LGSN: variants seen among roughly 807,000 people sequenced by gnomAD.
LGSN encodes lengsin.
In LGSN, 21 loss-of-function variants were observed where a neutral mutation model predicts 19.5. The observed-to-expected ratio is 1.07, with a 90% CI of 0.76 to 1.55. The LOEUF (loss-of-function observed/expected upper bound fraction) is 1.55. Ranked by LOEUF, LGSN falls within the 40% of genes most tolerant of loss-of-function variation. The pLI, the probability that LGSN is intolerant of heterozygous loss-of-function variation, is 0.00. For synonymous variants in LGSN, 257 were observed against 215.6 expected (o/e 1.19, Z -1.68); for missense variants, 673 against 608.5 (o/e 1.11, Z -1.12).
the LGSN span, among the ~76,000 whole-genome samples, chr6:63,377,853 G>A: frequency 2.7e-5 from 4 of 146,102 alleles, no homozygotes; most frequent in Non-Finnish European, 3.0e-5. Context: ...GGTGGAGGTC[G>A]CAGTGAGCCG....
At chr6:63,501,339 G>A in the LGSN span, among the ~76,000 whole-genome samples, 1 of 147,208 alleles carries the variant, frequency 6.8e-6, no homozygotes, top group Non-Finnish European at 1.5e-5. Context: ...TCTAGCCTGG[G>A]CGACAAGAAC....
At chr6:63,400,634 G>A in the LGSN span, among the ~76,000 whole-genome samples, 2 of 152,190 alleles carry the variant, frequency 1.3e-5, no homozygotes, top group Admixed American at 6.5e-5. Context: ...CATTTCATAT[G>A]AAGAGTCCAT....
At chr6:63,446,813 G>A in the LGSN span, among the ~76,000 whole-genome samples, 8 of 152,334 alleles carry the variant, frequency 5.3e-5, no homozygotes, top group East Asian at 1.5e-3. Flanking sequence ...ACTTTGGGAG[G>A]CTGAGGCAGG....
chr6:63,347,562 A>G, the LGSN span, among the ~76,000 whole-genome samples: 1 of 152,132 alleles, frequency 6.6e-6, no homozygotes, highest in African/African-American at 2.4e-5. Flanking sequence ...TCACTCATTC[A>G]TTCTTTCATT....
At chr6:63,534,533 T>A in the LGSN span, among the ~76,000 whole-genome samples, 3 of 152,174 alleles carry the variant, frequency 2.0e-5, no homozygotes, top group East Asian at 5.8e-4. Context: ...AAAACATTTA[T>A]GCTGGGTGCA....
At chr6:63,550,868 C>T in the LGSN span, among the ~76,000 whole-genome samples, 5 of 151,416 alleles carry the variant, frequency 3.3e-5, no homozygotes, top group Admixed American at 6.6e-5. Context: ...TCAGGTGATC[C>T]GCCTGCCTCG....
the LGSN span, among the ~76,000 whole-genome samples, chr6:63,414,215 A>G: frequency 1.3e-5 from 2 of 152,110 alleles, no homozygotes; most frequent in Admixed American, 6.6e-5. Flanking sequence ...TATGTGGCAC[A>G]GGGCCTGATG....
rs571407715 is a variant in LGSN at position 63,303,050 on chromosome 6, C to T, written c.31-8005G>A. ...AGCTGAGGCAGGAGAATCGCTTGAACCCAGGAGGCAGAGGTTGAAGTGAGC... is the reference window on the plus strand; with the variant it reads ...AGCTGAGGCAGGAGAATCGCTTGAATCCAGGAGGCAGAGGTTGAAGTGAGC... On this transcript the variant is annotated intron_variant, in intron 1 of 3. Coordinates refer to ENST00000370657, the MANE Select transcript of LGSN (RefSeq NM_016571.3). 3.3e-5 allele frequency among the ~76,000 whole-genome samples: 5 copies of T among 152,232 alleles called. No homozygotes were observed. The East Asian group carries it at 7.7e-4, about 24-fold the overall frequency.
chr6:63,491,341 G>A, the LGSN span, among the ~76,000 whole-genome samples: 6 of 152,180 alleles, frequency 3.9e-5, no homozygotes, highest in East Asian at 1.2e-3. Flanking sequence ...ACCACTTCAG[G>A]GCTGGGCACT....
the LGSN span, among the ~76,000 whole-genome samples, chr6:63,460,397 CTAA>C: frequency 1.3e-5 from 2 of 152,070 alleles, no homozygotes; most frequent in Non-Finnish European, 2.9e-5. Flanking sequence ...TTTCATGAGT[CTAA>C]TAACTTTCCT....
the LGSN span, among the ~76,000 whole-genome samples, chr6:63,350,349 G>C: frequency 6.6e-6 from 1 of 152,086 alleles, no homozygotes; most frequent in African/African-American, 2.4e-5. Flanking sequence ...ATATACAAAG[G>C]ACTTCACAAA....
chr6:63,480,986 T>TATATACACATATAC, the LGSN span, among the ~76,000 whole-genome samples: 10 of 44,076 alleles, frequency 2.3e-4, no homozygotes, highest in African/African-American at 4.1e-4. Context: ...TATATATATA[T>TATATACACATATAC]ACACACACAC....
At chr6:63,505,733 C>T in the LGSN span, among the ~76,000 whole-genome samples, 1 of 152,102 alleles carries the variant, frequency 6.6e-6, no homozygotes, top group African/African-American at 2.4e-5. Context: ...AGTCTCGGCT[C>T]ACTGCAACCT....
chr6:63,322,461 G>A (rs752513216), upstream of LGSN, among the ~76,000 whole-genome samples: 7 of 152,088 alleles, frequency 4.6e-5, no homozygotes, highest in African/African-American at 1.2e-4. Flanking sequence ...TAACAACCAC[G>A]ACAGAAGGAT....
At chr6:63,547,837 A>C in the LGSN span, among the ~76,000 whole-genome samples, 1 of 152,106 alleles carries the variant, frequency 6.6e-6, no homozygotes, top group East Asian at 1.9e-4. Context: ...AATGCTACAC[A>C]GACCCCAGAT....
At chr6:63,313,559 G>T (rs1386102932) in intron 1 of LGSN, among the ~76,000 whole-genome samples, 1 of 152,134 alleles carries the variant, frequency 6.6e-6, no homozygotes, top group African/African-American at 2.4e-5. Context: ...AGACAGCCAG[G>T]CACAGTGGCT....
At chr6:63,285,804 A>G in intron 2 of LGSN, 51 bp from the exon 3 acceptor site, 1 of 1,447,474 alleles carries the variant, frequency 6.9e-7, no homozygotes, top group Non-Finnish European at 9.7e-7. Context: ...ATGGACTGAG[A>G]AGCAAAAGGA....
chr6:63,341,903 T>A, the LGSN span, among the ~76,000 whole-genome samples: 1 of 152,180 alleles, frequency 6.6e-6, no homozygotes, highest in Non-Finnish European at 1.5e-5. Context: ...TATCTAAGCA[T>A]AGATGTGTGT....
the LGSN span, among the ~76,000 whole-genome samples, chr6:63,498,591 A>G: frequency 1.3e-5 from 2 of 152,122 alleles, no homozygotes; most frequent in African/African-American, 4.8e-5. Context: ...TGCTGTAGTC[A>G]TGACAGAAAC....
Sources: allele counts gnomAD v4.1 joint callset (sites outside exome capture counted in the v4.1 genomes callset), GRCh38; gene constraint gnomAD v4.1.1; transcripts MANE v1.5; gene names NCBI Gene and HGNC (gene_info 2026-07-23, HGNC 2026-07-21).